Variants in DNAAF4 observed in about 807,000 individuals in gnomAD.
DNAAF4 encodes the protein dynein assembly factor 4, axonemal.
In DNAAF4, 43 loss-of-function variants were observed where a neutral mutation model predicts 51.8. The ratio of observed to expected loss-of-function variants is 0.83; its 90% CI spans 0.65 to 1.07. The LOEUF (loss-of-function observed/expected upper bound fraction) is 1.07, where lower values mean the gene tolerates loss of function less well. Among genes scored for constraint, DNAAF4 ranks in the 50% least tolerant of loss-of-function variants. DNAAF4 has a pLI of 0.00. For missense variants in DNAAF4, 581 were observed against 493.0 expected, an observed-to-expected ratio of 1.18 and a Z score of -1.69; for synonymous variants, 194 against 165.6, an observed-to-expected ratio of 1.17 and a Z score of -1.32.
At chr15:55,427,240 GT>G (rs1233286198), downstream of DNAAF4, among the ~76,000 whole-genome samples, 1 of 151,836 alleles carries the variant, frequency 6.6e-6, no homozygotes, top group African/African-American at 2.4e-5. Context: ...TGATTTTTTT[GT>G]TTTTTTAGTA....
chr15:55,480,991 T>C (rs1036110159), intron 4 of DNAAF4, among the ~76,000 whole-genome samples: 5 of 152,160 alleles, frequency 3.3e-5, no homozygotes, highest in African/African-American at 1.2e-4. Flanking sequence ...CAAGATCTAA[T>C]GGTTTTATAA....
chr15:55,492,004 G>A (rs1004891721), intron 3 of DNAAF4, among the ~76,000 whole-genome samples: 29 of 150,874 alleles, frequency 1.9e-4, no homozygotes, highest in African/African-American at 6.8e-4. Context: ...CTACAGGTGT[G>A]TGCCAACACA....
chr15:55,427,097 C>T (rs915451546), downstream of DNAAF4, among the ~76,000 whole-genome samples: 1 of 152,042 alleles, frequency 6.6e-6, no homozygotes, highest in African/African-American at 2.4e-5. Context: ...GAGACAGTCT[C>T]GCTCTGTCGC....
Position 55,498,195 on chromosome 15 carries a change from T to C in DNAAF4, c.123+12A>G, listed in dbSNP as rs2058666203. On this transcript the variant is annotated intron_variant, in intron 2 of 9. Transcript: ENST00000321149. ...ACCCCCGGAGACCGGCAGGCAAGAC[T>C]TGCATTCTTACCTTCAGATAGTTTT... The C allele has an allele frequency of 6.2e-7, 1 of 1,613,864 alleles. No individual in the cohort carries two copies. The highest frequency in any genetic ancestry group is 1.3e-5 in the African/African-American group (1 of 74,904).
chr15:55,418,944 A>G (rs1288000387), intron 7 of DNAAF4, among the ~76,000 whole-genome samples: 1 of 57,116 alleles, frequency 1.8e-5, no homozygotes. Context: ...TTTTTGAGTG[A>G]GTTGGAGTCT....
At chr15:55,428,550 A>G (rs980273474), downstream of DNAAF4, among the ~76,000 whole-genome samples, 1 of 125,834 alleles carries the variant, frequency 7.9e-6, no homozygotes, top group Non-Finnish European at 1.6e-5. Context: ...GTTGGAGTAC[A>G]GTGGCACAAT....
intron 5 of DNAAF4, among the ~76,000 whole-genome samples, chr15:55,452,900 T>C (rs1163771812): frequency 6.6e-6 from 1 of 152,116 alleles, no homozygotes; most frequent in African/African-American, 2.4e-5. Context: ...ACTAGAATCA[T>C]AGAAGGGTAG....
chr15:55,428,682 GA>G (rs897418177), downstream of DNAAF4, among the ~76,000 whole-genome samples: 2 of 150,026 alleles, frequency 1.3e-5, no homozygotes, highest in African/African-American at 2.4e-5. Context: ...TTTTAGTGGA[GA>G]GGGGGGTTTC....
intron 7 of DNAAF4, among the ~76,000 whole-genome samples, chr15:55,423,606 A>T (rs1280491458): frequency 2.6e-5 from 4 of 152,216 alleles, no homozygotes; most frequent in Non-Finnish European, 5.9e-5. Context: ...AATCAGATGT[A>T]AATATAGCTG....
At chr15:55,451,161 G>C (rs557256042) in intron 5 of DNAAF4, among the ~76,000 whole-genome samples, 3 of 152,296 alleles carry the variant, frequency 2.0e-5, no homozygotes, top group Admixed American at 6.5e-5. Flanking sequence ...CTGGGGCAAG[G>C]GGGGAAGGAG....
chr15:55,483,484 T>C (rs2058439785), intron 4 of DNAAF4, among the ~76,000 whole-genome samples: 1 of 152,142 alleles, frequency 6.6e-6, no homozygotes, highest in Admixed American at 6.5e-5. Context: ...AAACAATGAA[T>C]TCTACACTTT....
At chr15:55,498,128 T>A (rs1164955772) in intron 2 of DNAAF4, 79 bp downstream of exon 2, 2 of 1,602,582 alleles carry the variant, frequency 1.2e-6, no homozygotes, top group Non-Finnish European at 1.7e-6. Context: ...GATGAGCCTG[T>A]TGCTCGTGCC....
intron 6 of DNAAF4, among the ~76,000 whole-genome samples, chr15:55,446,419 G>GGGT (rs1159576278): frequency 1.4e-5 from 2 of 146,108 alleles, no homozygotes. Context: ...TTCCCAGACG[G>GGGT]GGCGGCCGGG....
At chr15:55,471,387 A>G (rs1247135743) in intron 4 of DNAAF4, among the ~76,000 whole-genome samples, 1 of 152,164 alleles carries the variant, frequency 6.6e-6, no homozygotes, top group Non-Finnish European at 1.5e-5. Context: ...TAATTTAACA[A>G]AAGATGAACC....
chr15:55,493,883 T>A (rs78160411), intron 3 of DNAAF4, among the ~76,000 whole-genome samples: 1 of 151,654 alleles, frequency 6.6e-6, no homozygotes, highest in Admixed American at 6.6e-5. Context: ...TTTTTTTTTT[T>A]AATAGAGGTG....
At chr15:55,475,254 GT>G (rs1464629596) in intron 4 of DNAAF4, among the ~76,000 whole-genome samples, 3 of 152,114 alleles carry the variant, frequency 2.0e-5, no homozygotes, top group African/African-American at 7.2e-5. Context: ...ACATGAAGAG[GT>G]TGGCAATTCC....
chr15:55,434,561 G>T (rs568718643), intron 8 of DNAAF4, among the ~76,000 whole-genome samples: 2 of 152,060 alleles, frequency 1.3e-5, no homozygotes, highest in African/African-American at 4.8e-5. Flanking sequence ...TGCCGGGCGC[G>T]GTGGCTCATG....
Position 55,498,269 on chromosome 15 carries a change from G to C in DNAAF4, c.61C>G (p.Leu21Val), listed in dbSNP as rs371591660. 11 of 1,613,714 alleles carry C rather than the reference G, an allele frequency of 6.8e-6. No individual in the cohort carries two copies. The highest frequency in any genetic ancestry group is 5.5e-5 in the South Asian group (5 of 91,004). The change falls in exon 2 of 10, where the codon CTG becomes GTG. Residue 21 changes from leucine (L) to valine (V), a missense_variant. Physicochemically the swap from Leu to Val is conservative, Grantham distance 32. Transcript: ENST00000321149. ...CTGACGCACACGCCTTTGAGGGGCA[G>C]AGACAGAAAGACCGCAGTCTTCGTC... ...QQTKTAVFLS[L>V]PLKGVCVRDT...
chr15:55,449,104 C>G lies in DNAAF4; in HGVS notation c.783+1118G>C, dbSNP rs1259039107. 2.0e-5 allele frequency among the ~76,000 whole-genome samples: 3 copies of G among 150,576 alleles called. No homozygotes were observed. In the East Asian group the frequency reaches 6.2e-4, roughly 31 times the overall value. ...CCCCGGGTTCAAGTGATTCTCCTGC[C>G]TCAGCCTCCCGAGTAGCTGGGATTA... On this transcript the variant is annotated intron_variant, in intron 6 of 9. Coordinates refer to ENST00000321149, the MANE Select transcript of DNAAF4 (RefSeq NM_130810.4).
Sources: allele counts gnomAD v4.1 joint callset (sites outside exome capture counted in the v4.1 genomes callset), GRCh38; gene constraint gnomAD v4.1.1; transcripts MANE v1.5; gene names NCBI Gene and HGNC (gene_info 2026-07-23, HGNC 2026-07-21).